Variants in ADAMTS6 observed in about 807,000 individuals in gnomAD.
ADAMTS6 encodes the protein A disintegrin and metalloproteinase with thrombospondin motifs 6.
ADAMTS6 carries 23 observed loss-of-function variants against 144.3 expected under a neutral mutation model. The ratio of observed to expected loss-of-function variants is 0.16; its 90% confidence interval spans 0.11 to 0.23. ADAMTS6 has a LOEUF of 0.23. Ranked by LOEUF, ADAMTS6 falls within the 10% of genes least tolerant of loss-of-function variation. ADAMTS6 has a pLI of 1.00. For synonymous variants in ADAMTS6, 444 were observed against 457.5 expected (o/e 0.97, Z 0.38); for missense variants, 999 against 1,379.6 (o/e 0.72, Z 4.37).
chr5:65,205,041 A>G (rs779404468), intron 20 of ADAMTS6, among the ~76,000 whole-genome samples: 13 of 152,158 alleles, frequency 8.5e-5, no homozygotes, highest in Non-Finnish European at 8.8e-5. Flanking sequence ...AGTGAAAGAT[A>G]AGCACATTTA....
At chr5:65,278,062 A>G (rs1001579302) in intron 11 of ADAMTS6, among the ~76,000 whole-genome samples, 2 of 138,590 alleles carry the variant, frequency 1.4e-5, no homozygotes, top group African/African-American at 2.8e-5. Context: ...GCTCCCACTT[A>G]TAAGTGAGAA....
intron 22 of ADAMTS6, among the ~76,000 whole-genome samples, chr5:65,174,982 G>T (rs144677474): frequency 0.033 from 5,072 of 152,170 alleles, 266 homozygotes; most frequent in African/African-American, 0.12. Flanking sequence ...ATTAGAGGTG[G>T]GTTGGCCATC....
intron 22 of ADAMTS6, among the ~76,000 whole-genome samples, chr5:65,175,558 CAA>C (rs536651494): frequency 8.6e-4 from 129 of 149,270 alleles, no homozygotes; most frequent in African/African-American, 3.2e-3. Flanking sequence ...GACTTCCTAT[CAA>C]AAATCCTTAA....
intron 15 of ADAMTS6, among the ~76,000 whole-genome samples, chr5:65,238,047 C>T (rs2112474073): frequency 6.6e-6 from 1 of 151,650 alleles, no homozygotes; most frequent in African/African-American, 2.4e-5. Context: ...GATCACACCA[C>T]TGCACTCCAG....
At chr5:65,171,840 A>G (rs1008345850) in intron 23 of ADAMTS6, among the ~76,000 whole-genome samples, 3 of 152,136 alleles carry the variant, frequency 2.0e-5, no homozygotes, top group Non-Finnish European at 4.4e-5. Flanking sequence ...GGATTCAGTC[A>G]CTTCAGAACT....
intron 9 of ADAMTS6, among the ~76,000 whole-genome samples, chr5:65,310,136 C>A (rs1744350022): frequency 6.6e-6 from 1 of 151,704 alleles, no homozygotes; most frequent in Non-Finnish European, 1.5e-5. Context: ...TGCTCCTGCT[C>A]CCGCCATGCG....
At chr5:65,255,112 A>G (rs1760533623) in intron 14 of ADAMTS6, among the ~76,000 whole-genome samples, 1 of 152,154 alleles carries the variant, frequency 6.6e-6, no homozygotes, top group South Asian at 2.1e-4. Flanking sequence ...TTTGCTTACG[A>G]ATCTACCTCT....
At chr5:65,369,898 G>A (rs1750681060) in intron 7 of ADAMTS6, among the ~76,000 whole-genome samples, 2 of 152,000 alleles carry the variant, frequency 1.3e-5, no homozygotes, top group Non-Finnish European at 2.9e-5. Flanking sequence ...GAGTCACTCA[G>A]ATTTCACAGC....
chr5:65,158,829 A>G (rs28690422), intron 24 of ADAMTS6, among the ~76,000 whole-genome samples: 1 of 151,550 alleles, frequency 6.6e-6, no homozygotes, highest in African/African-American at 2.4e-5. Context: ...TCTTCCTCCC[A>G]TTTCCCTCTT....
intron 12 of ADAMTS6, among the ~76,000 whole-genome samples, chr5:65,265,431 T>C (rs1761537028): frequency 6.6e-6 from 1 of 152,116 alleles, no homozygotes; most frequent in Non-Finnish European, 1.5e-5. Flanking sequence ...TCTGCACCTA[T>C]ACAAAAGTCA....
chr5:65,174,560 C>G (rs1273554160), intron 22 of ADAMTS6, among the ~76,000 whole-genome samples: 2 of 152,194 alleles, frequency 1.3e-5, no homozygotes, highest in African/African-American at 4.8e-5. Context: ...ACATCTGAAA[C>G]TTGGTAAGAC....
chr5:65,297,499 T>C (rs1356891133), intron 10 of ADAMTS6, among the ~76,000 whole-genome samples: 1 of 152,206 alleles, frequency 6.6e-6, no homozygotes, highest in Non-Finnish European at 1.5e-5. Context: ...AAACAATTCA[T>C]CTTTCAAGAT....
In ADAMTS6 at chr5:65,481,783, G is replaced by T. The variant is rs1404337755; in HGVS notation, c.-720C>A. 6.6e-6 allele frequency: 1 copy of T among 152,368 alleles called. No homozygotes were observed. The highest frequency in any genetic ancestry group is 1.5e-5 in the Non-Finnish European group (1 of 68,184). The allele number at this position is 152,368 out of a possible 1,614,324, so 9.4% of individuals were successfully genotyped here. A position where few individuals can be genotyped will look rare whatever the true frequency, so the allele number is the denominator to read the frequency against. On this transcript the variant is annotated 5_prime_UTR_variant, in exon 1 of 25. Transcript: ENST00000381055. ...TGTGCAGAGCATCAAAAGGTATCAG[G>T]AGAAAAGAAGACAAGAGGAGCAGGA...
At chr5:65,462,723 G>A (rs905612538) in intron 3 of ADAMTS6, among the ~76,000 whole-genome samples, 1 of 152,014 alleles carries the variant, frequency 6.6e-6, no homozygotes, top group African/African-American at 2.4e-5. Flanking sequence ...TATGTGGTAG[G>A]GATACAACAG....
chr5:65,171,596 T>G (rs1016824089), intron 23 of ADAMTS6, among the ~76,000 whole-genome samples: 1 of 152,148 alleles, frequency 6.6e-6, no homozygotes, highest in Non-Finnish European at 1.5e-5. Flanking sequence ...CTATTTATTA[T>G]AGGTGTGCAG....
At chr5:65,164,190 G>A (rs1037936440) in intron 24 of ADAMTS6, among the ~76,000 whole-genome samples, 14 of 152,020 alleles carry the variant, frequency 9.2e-5, no homozygotes, top group East Asian at 7.8e-4. Context: ...TGCGCGAGCC[G>A]AAGCAGGGCG....
intron 20 of ADAMTS6, among the ~76,000 whole-genome samples, chr5:65,199,973 A>G (rs1245521337): frequency 1.3e-5 from 2 of 152,178 alleles, no homozygotes; most frequent in African/African-American, 4.8e-5. Flanking sequence ...AAGTCCTTGA[A>G]TAGACAGCTG....
intron 7 of ADAMTS6, among the ~76,000 whole-genome samples, chr5:65,359,794 TA>T (rs577702688): frequency 1.3e-4 from 19 of 147,164 alleles, no homozygotes; most frequent in Non-Finnish European, 2.4e-4. Flanking sequence ...GTGTAGAGTC[TA>T]AAAAAAAAAG....
intron 20 of ADAMTS6, among the ~76,000 whole-genome samples, chr5:65,205,098 C>A (rs1375350357): frequency 6.6e-6 from 1 of 150,874 alleles, no homozygotes; most frequent in Non-Finnish European, 1.5e-5. Context: ...TAATTTCAAT[C>A]AAGTCTATTT....
Sources: allele counts gnomAD v4.1 joint callset (sites outside exome capture counted in the v4.1 genomes callset), GRCh38; gene constraint gnomAD v4.1.1; transcripts MANE v1.5; gene names NCBI Gene and HGNC (gene_info 2026-07-23, HGNC 2026-07-21).